The following PADI6 variants were observed in gnomAD, a reference collection of about 807,000 sequenced individuals.
PADI6 encodes the protein inactive protein-arginine deiminase type-6.
PADI6 carries 66 observed loss-of-function variants against 78.2 expected under a neutral mutation model. That is an observed-to-expected ratio of 0.84 (90% confidence interval 0.69 to 1.04). The LOEUF is 1.04. Ranked by LOEUF, PADI6 falls within the 50% of genes least tolerant of loss-of-function variation. PADI6 has a pLI of 0.00. For synonymous variants in PADI6, 397 were observed against 346.9 expected (o/e 1.14, Z -1.60); for missense variants, 854 against 866.1 (o/e 0.99, Z 0.18).
chr1:17,372,816 T>C (rs557014940), intron 1 of PADI6, among the ~76,000 whole-genome samples: 2 of 152,004 alleles, frequency 1.3e-5, no homozygotes, highest in South Asian at 4.2e-4. Context: ...ATTACTAAGA[T>C]GTAGCTGTGG....
chr1:17,390,743 GTC>G (rs2075173803), intron 8 of PADI6, among the ~76,000 whole-genome samples: 1 of 152,222 alleles, frequency 6.6e-6, no homozygotes, highest in Non-Finnish European at 1.5e-5. Flanking sequence ...ATCTCAGAAA[GTC>G]TGATGGGATT....
intron 13 of PADI6, 26 bp downstream of exon 13, chr1:17,395,689 C>T (rs1400709153): frequency 6.9e-6 from 11 of 1,600,538 alleles, no homozygotes; most frequent in Non-Finnish European, 9.4e-6. Flanking sequence ...TTCCACAGAA[C>T]AGAACTGGGG....
intron 14 of PADI6, among the ~76,000 whole-genome samples, chr1:17,397,686 C>A (rs2075260059): frequency 6.6e-6 from 1 of 152,112 alleles, no homozygotes; most frequent in Non-Finnish European, 1.5e-5. Flanking sequence ...AAACTACAAA[C>A]CCTGCAGATA....
chr1:17,392,302 C>A, intron 9 of PADI6, 77 bp downstream of exon 9: 1 of 1,109,772 alleles, frequency 9.0e-7, no homozygotes, highest in African/African-American at 1.6e-5. Context: ...AGGAACTTCA[C>A]AGGCTTCTGG....
intron 12 of PADI6, among the ~76,000 whole-genome samples, 196 bp downstream of exon 12, chr1:17,395,303 A>G (rs919612670): frequency 1.3e-5 from 2 of 151,704 alleles, no homozygotes; most frequent in Non-Finnish European, 2.9e-5. Flanking sequence ...TCCCGGACTC[A>G]AGCAATTCTC....
chr1:17,384,374 A>AC (rs905174305), intron 6 of PADI6, among the ~76,000 whole-genome samples: 2 of 152,160 alleles, frequency 1.3e-5, no homozygotes, highest in Admixed American at 1.3e-4. Context: ...CAGGAGGCTT[A>AC]CTTGGGCACA....
chr1:17,387,317 C>T (rs2075129483), intron 6 of PADI6, among the ~76,000 whole-genome samples: 1 of 152,070 alleles, frequency 6.6e-6, no homozygotes, highest in African/African-American at 2.4e-5. Context: ...TGGTGGTGCA[C>T]ACCTATAGTC....
chr1:17,379,029 C>CCACCT (rs2075045794), intron 3 of PADI6, among the ~76,000 whole-genome samples: 1 of 151,822 alleles, frequency 6.6e-6, no homozygotes, highest in Non-Finnish European at 1.5e-5. Flanking sequence ...ACTGCAACCT[C>CCACCT]CACCTTCCCA....
In PADI6 at chr1:17,394,087, G is replaced by T; in HGVS notation, c.1182+5G>T. ...TTCCCCATGAAGTACTCACTGGTGTGGAACTTGGTTTGGCTAATCTGAGCT... is the reference window on the plus strand; with the variant it reads ...TTCCCCATGAAGTACTCACTGGTGTTGAACTTGGTTTGGCTAATCTGAGCT... On this transcript the variant is annotated splice_donor_5th_base_variant and intron_variant, in intron 10 of 15. Coordinates refer to ENST00000619609, the MANE Select transcript of PADI6 (RefSeq NM_207421.4). 6.2e-7 allele frequency: 1 copy of T among 1,612,530 alleles called. No homozygotes were observed. Among genetic ancestry groups the T allele is most frequent in the Non-Finnish European group, 8.5e-7 (1 of 1,178,604 alleles).
At chr1:17,380,100 A>G (rs537685115) in intron 4 of PADI6, 113 bp downstream of exon 4, 1 of 1,047,354 alleles carries the variant, frequency 9.5e-7, no homozygotes, top group South Asian at 1.4e-5. Context: ...GACATTGCTG[A>G]AGGATTAGAT....
chr1:17,381,890 T>C (rs1166764663), intron 5 of PADI6, 77 bp from the exon 6 acceptor site: 1 of 1,567,672 alleles, frequency 6.4e-7, no homozygotes, highest in East Asian at 2.3e-5. Context: ...TCCCGGCCCC[T>C]CTCTACTGCT....
chr1:17,377,035 G>A (rs370561847), intron 3 of PADI6, among the ~76,000 whole-genome samples: 5 of 151,980 alleles, frequency 3.3e-5, no homozygotes, highest in Admixed American at 1.3e-4. Flanking sequence ...CACCATACTT[G>A]GTTAATTTTT....
rs1488194773 is a variant in PADI6 at position 17,384,502 on chromosome 1, G to T, written c.679+2410G>T. Among the ~76,000 whole-genome samples the T allele has an allele frequency of 2.0e-5, 3 of 152,088 alleles. 1 individual carries two copies. The highest frequency in any genetic ancestry group is 4.4e-5 in the Non-Finnish European group (3 of 68,006). ...TGCCTTAATCCCAGCACTTTGAGTA[G>T]ACCAAGACTGGTGGATCACTTTTGA... On this transcript the variant is annotated intron_variant, in intron 6 of 15. Coordinates refer to ENST00000619609, the MANE Select transcript of PADI6 (RefSeq NM_207421.4).
At position 17,401,237 on chromosome 1, in the gene PADI6, G is replaced by C; in HGVS notation, c.1884G>C (p.Gly628=). ...TGATTGTGATGGGCAAGAACCTGGG[G>C]ATCCCCAAGCCTTTTGGGCCCCAAA... ...LRMIVMGKNL[G]IPKPFGPQIK... Residue 628 remains glycine (G), a synonymous_variant, in exon 16 of 16, where the codon GGG becomes GGC. Transcript: ENST00000619609. The C allele has an allele frequency of 6.2e-7, 1 of 1,614,048 alleles. No homozygotes were observed. Among genetic ancestry groups the C allele is most frequent in the Non-Finnish European group, 8.5e-7 (1 of 1,179,898 alleles).
At chr1:17,397,222 C>T in intron 14 of PADI6, 81 bp downstream of exon 14, 2 of 1,472,336 alleles carry the variant, frequency 1.4e-6, no homozygotes, top group Non-Finnish European at 1.9e-6. Flanking sequence ...CCCACCCCTC[C>T]TGAGGGGTGA....
At chr1:17,391,659 A>G (rs113146462) in intron 8 of PADI6, among the ~76,000 whole-genome samples, 30 of 152,348 alleles carry the variant, frequency 2.0e-4, no homozygotes, top group African/African-American at 7.0e-4. Context: ...CGCCACACAT[A>G]TAAAAATGAC....
intron 3 of PADI6, among the ~76,000 whole-genome samples, chr1:17,376,030 A>G (rs2075012730): frequency 1.3e-5 from 2 of 151,614 alleles, no homozygotes; most frequent in African/African-American, 4.9e-5. Flanking sequence ...GCTGGAGTAC[A>G]GTGGCATGAT....
chr1:17,392,163 A>T lies in PADI6; in HGVS notation c.1012A>T (p.Lys338Ter), dbSNP rs753981238. 6.4e-7 allele frequency: 1 copy of T among 1,562,236 alleles called. No individual in the cohort carries two copies. The highest frequency in any genetic ancestry group is 8.7e-7 in the Non-Finnish European group (1 of 1,153,094). The change falls in exon 9 of 16, where the codon AAG becomes TAG. Residue 338 changes from lysine to a stop codon, truncating the protein, a stop_gained. Transcript: ENST00000619609. LOFTEE classifies it high-confidence loss of function. Reference sequence around the variant, plus strand: ...GGACACAGTGACGAAGCTGAGTGAGAAGAGCAACAGCCAGGTGGCATCTGT... The same window carrying T: ...GGACACAGTGACGAAGCTGAGTGAGTAGAGCAACAGCCAGGTGGCATCTGT... ...FVDTVTKLSEKSNSQVASVYE... is the reference protein window; with the variant it reads ...FVDTVTKLSE
intron 3 of PADI6, among the ~76,000 whole-genome samples, 172 bp downstream of exon 3, chr1:17,375,671 C>T (rs1389287219): frequency 6.6e-6 from 1 of 152,222 alleles, no homozygotes; most frequent in Non-Finnish European, 1.5e-5. Flanking sequence ...TACCCACTCA[C>T]ACACTCCCTC....
Sources: allele counts gnomAD v4.1 joint callset (sites outside exome capture counted in the v4.1 genomes callset), GRCh38; gene constraint gnomAD v4.1.1; transcripts MANE v1.5; gene names NCBI Gene and HGNC (gene_info 2026-07-23, HGNC 2026-07-21).